DDX42: variants seen among roughly 807,000 people sequenced by gnomAD.
The protein encoded by DDX42 is DEAD-box helicase 42.
In DDX42, 22 loss-of-function variants were observed where a neutral mutation model predicts 101.5. The observed-to-expected ratio is 0.22, with a 90% CI of 0.15 to 0.31. DDX42 has a LOEUF of 0.31. Ranked by LOEUF, DDX42 falls within the 10% of genes least tolerant of loss-of-function variation. The pLI is 1.00. For missense variants in DDX42, 849 were observed against 1,199.9 expected (o/e 0.71, Z 4.32); for synonymous variants, 402 against 401.2 (o/e 1.00, Z -0.02).
chr17:63,800,081 A>G (rs997561972), intron 5 of DDX42: 1 of 212,884 alleles, frequency 4.7e-6, no homozygotes, highest in Admixed American at 5.4e-5. Flanking sequence ...TGAGAATCAG[A>G]GTGAGTGGTA....
At chr17:63,783,097 T>TCTA (rs374483810) in intron 1 of DDX42, among the ~76,000 whole-genome samples, 14 of 152,306 alleles carry the variant, frequency 9.2e-5, no homozygotes, top group African/African-American at 3.4e-4. Flanking sequence ...TCAGAACACT[T>TCTA]CTATGCCTTT....
chr17:63,802,606 T>C (rs760732077), intron 6 of DDX42, among the ~76,000 whole-genome samples: 1 of 151,992 alleles, frequency 6.6e-6, no homozygotes, highest in African/African-American at 2.4e-5. Context: ...CATCTAAATT[T>C]TGTTTTTTAA....
intron 13 of DDX42, 37 bp from the exon 14 acceptor site, chr17:63,811,895 A>G (rs767203582): frequency 2.5e-6 from 4 of 1,613,800 alleles, no homozygotes; most frequent in Non-Finnish European, 3.4e-6. Context: ...CTGTGGCTCC[A>G]ATGTCACAAT....
intron 2 of DDX42, among the ~76,000 whole-genome samples, chr17:63,789,571 GTTTTTTT>G (rs538515067): frequency 4.4e-5 from 2 of 45,684 alleles, no homozygotes; most frequent in East Asian, 5.3e-4. Flanking sequence ...TTTTGTTTTT[GTTTTTTT>G]TTTTTTTTTT....
chr17:63,790,391 G>A (rs534362011), intron 2 of DDX42, among the ~76,000 whole-genome samples: 4 of 152,236 alleles, frequency 2.6e-5, no homozygotes, highest in South Asian at 2.1e-4. Context: ...TTGGGAGGCC[G>A]AGGTGGGTGT....
Position 63,808,849 on chromosome 17 carries a change from A to C in DDX42, c.1053A>C (p.Lys351Asn). The C allele has an allele frequency of 6.2e-7, 1 of 1,614,064 alleles. No individual in the cohort carries two copies. The highest frequency in any genetic ancestry group is 8.5e-7 in the Non-Finnish European group (1 of 1,179,958). Residue 351 changes from lysine (K) to asparagine (N), a missense_variant, in exon 10 of 18, where the codon AAA (lysine) becomes AAC (asparagine). By Grantham distance (94) the Lys-to-Asn change is moderately conservative. This residue lies in a region of DDX42 where 370 missense variants were observed against 608.8 expected (regional missense o/e 0.61). Coordinates refer to ENST00000389924, the MANE Select transcript of DDX42 (RefSeq NM_203499.3). ...ATGCAGAATGTAAGCGGTTTGGAAA[A>C]GCATATAATCTTCGATCAGTGGCCG... ...QIHAECKRFG[K>N]AYNLRSVAVY... is the part of the protein sequence containing the mutation.
rs531012116 is a variant in DDX42, at chr17:63,782,667, G to A, written c.-16-4367G>A. Among the ~76,000 whole-genome samples the A allele has an allele frequency of 9.9e-5, 15 of 152,044 alleles. No homozygotes were observed. In the East Asian group the frequency reaches 2.5e-3, roughly 25 times the overall value. ...AATAAATAACTCAGATCCATCCCCCGTTTCTCCTTTCCCACAGGTGCTTTC... is the reference window on the plus strand; with the variant it reads ...AATAAATAACTCAGATCCATCCCCCATTTCTCCTTTCCCACAGGTGCTTTC... On this transcript the variant is annotated intron_variant, in intron 1 of 17. Coordinates refer to ENST00000389924, the MANE Select transcript of DDX42 (RefSeq NM_203499.3).
rs779530681 is a variant in DDX42 at position 63,808,924 on chromosome 17, G to A, written c.1128G>A (p.Gly376=). Residue 376 remains glycine (G), a synonymous_variant, in exon 10 of 18, where the codon GGG becomes GGA. Transcript: ENST00000389924. ...AGCAGGCCAAGGCCCTTCAGGAGGG[G>A]GCAGAGATTGTTGTGTGTACCCCAG... is the stretch of plus-strand genomic sequence containing the variant. ...MWEQAKALQE[G]AEIVVCTPGR... The A allele has an allele frequency of 6.6e-5, 106 of 1,613,844 alleles. No individual in the cohort carries two copies. The highest frequency in any genetic ancestry group is 7.9e-5 in the Non-Finnish European group (93 of 1,179,886).
chr17:63,817,417 C>T (rs1305711553), intron 17 of DDX42: 2 of 357,572 alleles, frequency 5.6e-6, no homozygotes, highest in Non-Finnish European at 5.0e-6. Flanking sequence ...GTTTTGAATG[C>T]AGATAAATGT....
chr17:63,812,253 G>C, intron 14 of DDX42, 45 bp downstream of exon 14: 1 of 1,582,948 alleles, frequency 6.3e-7, no homozygotes, highest in East Asian at 2.2e-5. Context: ...TAGGCTATAA[G>C]GGTACTCTGT....
At chr17:63,806,868 T>G (rs2039847589) in intron 8 of DDX42, among the ~76,000 whole-genome samples, 1 of 152,198 alleles carries the variant, frequency 6.6e-6, no homozygotes, top group Non-Finnish European at 1.5e-5. Flanking sequence ...AGAAAATAAT[T>G]TATTAGGCCT....
chr17:63,816,840 A>C, intron 16 of DDX42, 28 bp from the exon 17 acceptor site: 1 of 1,584,484 alleles, frequency 6.3e-7, no homozygotes, highest in Non-Finnish European at 8.6e-7. Context: ...TTATTTTTTC[A>C]TTCTCATAGA....
intron 11 of DDX42, 116 bp downstream of exon 11, chr17:63,809,775 G>T: frequency 5.4e-6 from 4 of 741,574 alleles, no homozygotes; most frequent in South Asian, 5.4e-5. Context: ...CCTGGATGGG[G>T]TTAGACTATA....
At chr17:63,796,403 G>A (rs2039693100) in intron 3 of DDX42, among the ~76,000 whole-genome samples, 3 of 152,104 alleles carry the variant, frequency 2.0e-5, no homozygotes, top group Admixed American at 2.0e-4. Context: ...TCTGCCTCCC[G>A]GGTCCCGGGT....
At chr17:63,773,961 G>C (rs2039377320), upstream of DDX42, 1 of 188,804 alleles carries the variant, frequency 5.3e-6, no homozygotes, top group Non-Finnish European at 1.1e-5. Context: ...GGGATTTTTG[G>C]CTAGCCCCTT....
At chr17:63,779,355 C>T (rs1486342818) in intron 1 of DDX42, among the ~76,000 whole-genome samples, 3 of 152,136 alleles carry the variant, frequency 2.0e-5, no homozygotes, top group Non-Finnish European at 4.4e-5. Flanking sequence ...CCTCCGACTC[C>T]TGGGTTCAGG....
At chr17:63,796,964 G>A (rs1323859782) in intron 3 of DDX42, among the ~76,000 whole-genome samples, 1 of 152,054 alleles carries the variant, frequency 6.6e-6, no homozygotes, top group Non-Finnish European at 1.5e-5. Flanking sequence ...AAAAACTCAC[G>A]GTGCTTTATA....
At chr17:63,809,707 G>T (rs920002243) in intron 11 of DDX42, 48 bp downstream of exon 11, 1 of 1,484,798 alleles carries the variant, frequency 6.7e-7, no homozygotes, top group Non-Finnish European at 9.4e-7. Context: ...CATGATACTA[G>T]TTTTTTTTCC....
intron 1 of DDX42, among the ~76,000 whole-genome samples, chr17:63,785,270 A>ACCAG (rs924393692): frequency 1.3e-5 from 2 of 148,490 alleles, no homozygotes; most frequent in Non-Finnish European, 3.0e-5. Flanking sequence ...GGAGTTCCAG[A>ACCAG]CCAGCCCATC....
Sources: allele counts gnomAD v4.1 joint callset (sites outside exome capture counted in the v4.1 genomes callset), GRCh38; gene constraint gnomAD v4.1.1; regional missense constraint gnomAD v4.1.1; transcripts MANE v1.5; gene names NCBI Gene and HGNC (gene_info 2026-07-23, HGNC 2026-07-21).